Variants in XPO6 observed in about 807,000 individuals in gnomAD.
XPO6 encodes exportin-6.
In XPO6, 3 loss-of-function variants were observed where a neutral mutation model predicts 130.0. The ratio of observed to expected loss-of-function variants is 0.02; its 90% CI spans 0.01 to 0.06. The LOEUF is 0.06. XPO6 is among the 10% of genes least tolerant of loss of function. The pLI is 1.00. For synonymous variants in XPO6, 524 were observed against 548.9 expected (o/e 0.95, Z 0.63); for missense variants, 970 against 1,393.0 (o/e 0.70, Z 4.83).
chr16:28,135,502 G>C (rs904145247), intron 9 of XPO6, among the ~76,000 whole-genome samples, 178 bp from the exon 10 acceptor site: 2 of 152,128 alleles, frequency 1.3e-5, no homozygotes, highest in Admixed American at 1.3e-4. Context: ...AAGAGAAGCA[G>C]AGGTATTTAT....
rs918418372 is a variant in XPO6, at chr16:28,166,511, T to C, written c.640A>G (p.Ser214Gly). The C allele has an allele frequency of 6.3e-7, 1 of 1,585,662 alleles. No individual in the cohort carries two copies. The highest frequency in any genetic ancestry group is 8.6e-7 in the Non-Finnish European group (1 of 1,164,420). ...TTGGCTGGCAGGCAGACCATACCAC[T>C]TTCTCCTGAGGTCGGGGATGGTGGT... ...TPPPSPTSGE[S>G]GDLLSNLLQS... The change falls in exon 6 of 24, where the codon AGT becomes GGT. Residue 214 changes from serine to glycine, a missense_variant. Physicochemically the swap from Ser to Gly is moderately conservative, Grantham distance 56. This residue lies in a region of XPO6 where 936 missense variants were observed against 1,306.8 expected (regional missense o/e 0.72). Coordinates refer to ENST00000304658, the MANE Select transcript of XPO6 (RefSeq NM_015171.4).
intron 12 of XPO6, among the ~76,000 whole-genome samples, chr16:28,129,879 G>A (rs2141280580): frequency 6.6e-6 from 1 of 152,332 alleles, no homozygotes; most frequent in African/African-American, 2.4e-5. Context: ...GCCAATGAGG[G>A]GTGGCAGAAG....
At chr16:28,182,476 C>A (rs2043633936) in intron 1 of XPO6, among the ~76,000 whole-genome samples, 1 of 152,160 alleles carries the variant, frequency 6.6e-6, no homozygotes, top group African/African-American at 2.4e-5. Context: ...TGCAATGACA[C>A]CTGAACTGCG....
At chr16:28,189,793 T>C (rs902722938) in intron 1 of XPO6, among the ~76,000 whole-genome samples, 1 of 152,216 alleles carries the variant, frequency 6.6e-6, no homozygotes, top group East Asian at 1.9e-4. Context: ...CATTTAATAT[T>C]TGATTAAAAC....
chr16:28,126,596 C>T (rs1310810785), intron 12 of XPO6: 1 of 152,210 alleles, frequency 6.6e-6, no homozygotes, highest in African/African-American at 2.4e-5. Flanking sequence ...TAGTGACTTA[C>T]TAAGGTCTGA....
chr16:28,169,777 C>T lies in XPO6; in HGVS notation c.538G>A (p.Val180Met). ...EELRKLLLDQ[V>M]QTVLGLLTGI... ...GTCAGTAGCCCAAGCACTGTCTGCA[C>T]CTGGTCCAGTAGCAGCTTCCGCAAC... The change falls in exon 5 of 24, where the codon GTG becomes ATG. Residue 180 changes from valine to methionine, a missense_variant. By Grantham distance (21) the Val-to-Met change is conservative. This residue lies in a region of XPO6 where 936 missense variants were observed against 1,306.8 expected (regional missense o/e 0.72). Coordinates refer to ENST00000304658, the MANE Select transcript of XPO6 (RefSeq NM_015171.4). The T allele has an allele frequency of 3.7e-6, 6 of 1,614,086 alleles. No homozygotes were observed. In the Admixed American group the frequency reaches 6.7e-5, roughly 18 times the overall value.
chr16:28,133,757 G>C (rs887572996), intron 11 of XPO6, 84 bp downstream of exon 11: 1 of 1,234,756 alleles, frequency 8.1e-7, no homozygotes, highest in Admixed American at 1.9e-5. Flanking sequence ...AGGGGAGAGA[G>C]AGAGAGATCC....
Position 28,098,497 on chromosome 16 carries a change from G to A in XPO6, c.*41C>T. 2 of 1,551,908 alleles carry A rather than the reference G, an allele frequency of 1.3e-6. No homozygotes were observed. Among genetic ancestry groups the A allele is most frequent in the Non-Finnish European group, 1.8e-6 (2 of 1,131,950 alleles). ...GTGGTGGAAGGTAGGGCTGGCGCAG[G>A]TGGCAGCAGCAGAAGTCCGTGTCCC... On this transcript the variant is annotated 3_prime_UTR_variant, in exon 24 of 24. Coordinates refer to ENST00000304658, the MANE Select transcript of XPO6 (RefSeq NM_015171.4).
intron 9 of XPO6, among the ~76,000 whole-genome samples, chr16:28,143,545 A>G (rs1396712952): frequency 6.6e-6 from 1 of 152,234 alleles, no homozygotes; most frequent in Non-Finnish European, 1.5e-5. Context: ...CTGCTCTATT[A>G]GTATAATGAT....
At chr16:28,185,172 T>C (rs780032964) in intron 1 of XPO6, among the ~76,000 whole-genome samples, 1 of 152,058 alleles carries the variant, frequency 6.6e-6, no homozygotes, top group Non-Finnish European at 1.5e-5. Context: ...CAACCTTTCA[T>C]TATTCACTTT....
chr16:28,140,662 G>C (rs2042873744), intron 9 of XPO6, among the ~76,000 whole-genome samples: 1 of 148,568 alleles, frequency 6.7e-6, no homozygotes, highest in Non-Finnish European at 1.5e-5. Context: ...TGGTGACAGA[G>C]TGAGACCCCG....
chr16:28,163,008 G>A (rs958765582), intron 6 of XPO6, among the ~76,000 whole-genome samples: 1 of 152,180 alleles, frequency 6.6e-6, no homozygotes, highest in Admixed American at 6.5e-5. Flanking sequence ...ACCGCGGGGT[G>A]TTTAGCAGCA....
intron 4 of XPO6, among the ~76,000 whole-genome samples, chr16:28,170,180 A>G (rs1036098250): frequency 2.6e-5 from 4 of 151,944 alleles, no homozygotes; most frequent in Admixed American, 2.0e-4. Flanking sequence ...TAAAAATACA[A>G]AATTAGCCGG....
chr16:28,098,237 A>C lies in XPO6; in HGVS notation c.*301T>G. The C allele has an allele frequency of 3.5e-6, 1 of 288,508 alleles. No homozygotes were observed. Among genetic ancestry groups the C allele is most frequent in the Non-Finnish European group, 6.5e-6 (1 of 152,798 alleles). The allele number at this position is 288,508 out of a possible 1,614,324, so 17.9% of individuals were successfully genotyped here. On this transcript the variant is annotated 3_prime_UTR_variant, in exon 24 of 24. Transcript: ENST00000304658. ...CCTTGGCAATTCTGCCCCATGAGCC[A>C]CGTGCGCCTGGTCTGCATGGGCCAC...
intron 10 of XPO6, among the ~76,000 whole-genome samples, chr16:28,134,851 C>A (rs1413017663): frequency 6.6e-6 from 1 of 152,164 alleles, no homozygotes; most frequent in African/African-American, 2.4e-5. Flanking sequence ...ATCTTGCTAA[C>A]GGTCTCCACA....
At chr16:28,141,453 G>A (rs761499429) in intron 9 of XPO6, among the ~76,000 whole-genome samples, 9 of 152,108 alleles carry the variant, frequency 5.9e-5, no homozygotes, top group Non-Finnish European at 1.2e-4. Flanking sequence ...GGCACTTTAC[G>A]CTCATTAGTT....
In XPO6 at chr16:28,167,328, G is replaced by T. The variant is rs537553106; in HGVS notation, c.566-743C>A. On this transcript the variant is annotated intron_variant, in intron 5 of 23. Transcript: ENST00000304658. ...ACAAACCTGCCACCAATCCTTTTTC[G>T]TTCCTCATGCAGGAAACAGGCTGGA... 3.0e-6 allele frequency: 3 copies of T among 985,254 alleles called. No homozygotes were observed. The South Asian group carries it at 1.4e-4, about 46-fold the overall frequency. 61.0% of individuals were successfully genotyped at this position (985,254 alleles called of 1,614,324 possible).
intron 1 of XPO6, among the ~76,000 whole-genome samples, chr16:28,203,004 G>A (rs1173537704): frequency 1.3e-5 from 2 of 152,348 alleles, no homozygotes; most frequent in East Asian, 3.9e-4. Flanking sequence ...GGCTGGGCGT[G>A]GTGGCTTACG....
intron 1 of XPO6, among the ~76,000 whole-genome samples, chr16:28,186,377 T>TTTTTTC (rs1436854950): frequency 1.5e-5 from 2 of 134,084 alleles, no homozygotes; most frequent in Non-Finnish European, 3.1e-5. Flanking sequence ...AGTTATTCTT[T>TTTTTTC]TTTTTTTTTT....
Sources: gnomAD v4.1 joint callset for allele counts (sites outside exome capture counted in the v4.1 genomes callset) on GRCh38, gnomAD v4.1.1 for gene constraint, gnomAD v4.1.1 regional missense constraint, MANE v1.5 for transcripts, NCBI Gene and HGNC (gene_info 2026-07-23, HGNC 2026-07-21) for gene names.